Variants in ADGRL4 observed in about 807,000 individuals in gnomAD.
ADGRL4 encodes adhesion G protein-coupled receptor L4, also known as EGF, latrophilin and seven transmembrane domain containing 1.
A neutral mutation model predicts 74.8 loss-of-function variants in ADGRL4; 90 were observed. That is an observed-to-expected ratio of 1.20 (90% CI 1.02 to 1.43). The LOEUF (loss-of-function observed/expected upper bound fraction) is 1.43, where lower values mean the gene tolerates loss of function less well. Among genes scored for constraint, ADGRL4 ranks in the 40% most tolerant of loss-of-function variants. The pLI is 0.00. For missense variants in ADGRL4, 881 were observed against 814.3 expected (o/e 1.08, Z -1.00); for synonymous variants, 311 against 279.2 (o/e 1.11, Z -1.14).
At chr1:78,936,437 A>G (rs1394990224) in intron 6 of ADGRL4, 26 bp from the exon 7 acceptor site, 1 of 1,537,618 alleles carries the variant, frequency 6.5e-7, no homozygotes, top group Admixed American at 2.2e-5. Flanking sequence ...GAAAATAAAA[A>G]AAGTGAAATT....
chr1:78,975,152 G>T (rs1366563630), intron 2 of ADGRL4, among the ~76,000 whole-genome samples: 1 of 152,030 alleles, frequency 6.6e-6, no homozygotes, highest in Non-Finnish European at 1.5e-5. Flanking sequence ...AATTAGAATT[G>T]GCAGTTTCTT....
chr1:78,932,621 A>AAAAAC (rs1473556307), intron 7 of ADGRL4, among the ~76,000 whole-genome samples: 2 of 121,126 alleles, frequency 1.7e-5, no homozygotes, highest in African/African-American at 5.7e-5. Flanking sequence ...TCCAAAAAAA[A>AAAAAC]AAAAAACAAT....
At position 78,938,209 on chromosome 1, in the gene ADGRL4, G is replaced by C. The variant is rs1457208821; in HGVS notation, c.467C>G (p.Pro156Arg). 6.2e-7 allele frequency: 1 copy of C among 1,611,210 alleles called. No individual in the cohort carries two copies. The highest frequency in any genetic ancestry group is 8.5e-7 in the Non-Finnish European group (1 of 1,178,896). The change falls in exon 5 of 15, where the codon CCA (proline) becomes CGA (arginine). Residue 156 changes from proline to arginine, a missense_variant. By Grantham distance (103) the Pro-to-Arg change is moderately radical. Transcript: ENST00000370742. Reference protein sequence around the residue: ...VYRNSVTDLSPTDIITYIEIL... With the variant: ...VYRNSVTDLSRTDIITYIEIL... Reference sequence around the variant, plus strand: ...TTCTATATATGTAATTATATCTGTTGGTGAAAGATCTGTCACAGAATTTCT... The same window carrying C: ...TTCTATATATGTAATTATATCTGTTCGTGAAAGATCTGTCACAGAATTTCT...
intron 7 of ADGRL4, among the ~76,000 whole-genome samples, chr1:78,934,655 C>T (rs1649315853): frequency 6.6e-6 from 1 of 152,136 alleles, no homozygotes; most frequent in Admixed American, 6.6e-5. Context: ...ATCTATCCAT[C>T]TGACAAAGGT....
At position 78,893,097 on chromosome 1, in the gene ADGRL4, C is replaced by A; in HGVS notation, c.1841+1G>T. Reference sequence around the variant, plus strand: ...AAAAGTGAACTTAAAGACGCATTTACCTTATGTTCTCAAAGCAACTAACTT... The same window carrying A: ...AAAAGTGAACTTAAAGACGCATTTAACTTATGTTCTCAAAGCAACTAACTT... On this transcript the variant is annotated splice_donor_variant, in intron 13 of 14. Transcript: ENST00000370742. LOFTEE classifies it high-confidence loss of function. The A allele has an allele frequency of 1.3e-6, 2 of 1,503,712 alleles. No homozygotes were observed. Among genetic ancestry groups the A allele is most frequent in the Non-Finnish European group, 1.8e-6 (2 of 1,110,072 alleles). 93.1% of individuals were successfully genotyped at this position (1,503,712 alleles called of 1,614,324 possible).
chr1:78,895,768 A>G (rs1357777733), intron 12 of ADGRL4, among the ~76,000 whole-genome samples: 2 of 151,924 alleles, frequency 1.3e-5, no homozygotes, highest in Non-Finnish European at 2.9e-5. Context: ...GACAGGGACA[A>G]TTATCACTTA....
At chr1:78,993,735 A>AT (rs942411471) in intron 2 of ADGRL4, among the ~76,000 whole-genome samples, 21 of 151,608 alleles carry the variant, frequency 1.4e-4, no homozygotes, top group East Asian at 5.8e-4. Context: ...TGCTCGGCTA[A>AT]TTTTTTTTGT....
chr1:78,972,467 CAT>C (rs1444446542), intron 2 of ADGRL4, among the ~76,000 whole-genome samples: 17 of 152,204 alleles, frequency 1.1e-4, no homozygotes, highest in African/African-American at 4.1e-4. Context: ...AAATCCGAAA[CAT>C]GAGTCTCTTC....
chr1:78,960,900 TTACAAGATA>T (rs1225444242), intron 2 of ADGRL4, among the ~76,000 whole-genome samples: 1 of 152,176 alleles, frequency 6.6e-6, no homozygotes, highest in Non-Finnish European at 1.5e-5. Flanking sequence ...TTTTTGTTGT[TTACAAGATA>T]TCCAGTGTAT....
chr1:78,935,894 C>A (rs1291844262), intron 7 of ADGRL4, among the ~76,000 whole-genome samples: 1 of 23,370 alleles, frequency 4.3e-5, no homozygotes, highest in Non-Finnish European at 1.2e-4. Context: ...GAGGCCGAGG[C>A]GGGCGGATCA....
chr1:78,942,207 T>G (rs917451737), intron 3 of ADGRL4, among the ~76,000 whole-genome samples: 2 of 146,970 alleles, frequency 1.4e-5, no homozygotes, highest in African/African-American at 2.5e-5. Context: ...AAAGACACCT[T>G]CTAATCCAAA....
At chr1:78,929,387 T>C (rs1649193430) in intron 7 of ADGRL4, among the ~76,000 whole-genome samples, 1 of 151,088 alleles carries the variant, frequency 6.6e-6, no homozygotes, top group Non-Finnish European at 1.5e-5. Flanking sequence ...TGGTGGTATG[T>C]TTCTTTGGTC....
chr1:78,952,328 CT>C lies in ADGRL4; in HGVS notation c.173-5903del, dbSNP rs10647389. ...GTCAAAGGTGGAGTAACATAGAAAGCTTTTTTTTTTTTTTTTTCCTCTTTTT... is the reference window on the plus strand; with the variant it reads ...GTCAAAGGTGGAGTAACATAGAAAGCTTTTTTTTTTTTTTTTCCTCTTTTT... On this transcript the variant is annotated intron_variant, in intron 2 of 14. Transcript: ENST00000370742. Among the ~76,000 whole-genome samples the C allele has an allele frequency of 5.2e-4, 62 of 119,722 alleles. 1 individual carries two copies. The highest frequency in any genetic ancestry group is 1.0e-3 in the African/African-American group (34 of 33,132). The allele number at this position is 119,722 out of a possible 152,430, so 78.5% of individuals were successfully genotyped here.
intron 2 of ADGRL4, among the ~76,000 whole-genome samples, chr1:78,947,437 G>A (rs999963909): frequency 1.3e-5 from 2 of 152,276 alleles, no homozygotes; most frequent in South Asian, 2.1e-4. Flanking sequence ...AGGATAGCTG[G>A]CAACCACAAA....
At chr1:79,001,542 T>C (rs956457902) in intron 2 of ADGRL4, among the ~76,000 whole-genome samples, 15 of 152,194 alleles carry the variant, frequency 9.9e-5, no homozygotes, top group Admixed American at 9.2e-4. Flanking sequence ...GGGTATGTGC[T>C]CTCACATAAG....
intron 2 of ADGRL4, among the ~76,000 whole-genome samples, chr1:78,974,277 A>T (rs931291043): frequency 1.3e-5 from 2 of 152,144 alleles, no homozygotes; most frequent in Non-Finnish European, 2.9e-5. Flanking sequence ...CAGCCTGTGG[A>T]TCCTGGTGAA....
At chr1:78,957,449 A>C (rs1301552135) in intron 2 of ADGRL4, among the ~76,000 whole-genome samples, 1 of 152,192 alleles carries the variant, frequency 6.6e-6, no homozygotes, top group African/African-American at 2.4e-5. Flanking sequence ...TGAACATACA[A>C]ATGCTAAGAA....
At chr1:78,940,477 T>G (rs895136752) in intron 3 of ADGRL4, among the ~76,000 whole-genome samples, 4 of 152,142 alleles carry the variant, frequency 2.6e-5, no homozygotes, top group African/African-American at 9.6e-5. Flanking sequence ...TAGTATATAT[T>G]CTTAATTTAA....
At chr1:78,993,047 T>C (rs1650639673) in intron 2 of ADGRL4, among the ~76,000 whole-genome samples, 1 of 152,084 alleles carries the variant, frequency 6.6e-6, no homozygotes, top group Non-Finnish European at 1.5e-5. Context: ...TGCTTAACAG[T>C]AGAAAAATAA....
Sources: allele counts gnomAD v4.1 joint callset (sites outside exome capture counted in the v4.1 genomes callset), GRCh38; gene constraint gnomAD v4.1.1; transcripts MANE v1.5; gene names NCBI Gene and HGNC (gene_info 2026-07-23, HGNC 2026-07-21).